NFX1: variants seen among roughly 807,000 people sequenced by gnomAD.
NFX1 encodes nuclear transcription factor, X-box binding 1.
Under a neutral mutation model 137.2 loss-of-function variants are expected in NFX1, and 69 were observed. That is an observed-to-expected ratio of 0.50 (90% CI 0.41 to 0.61). NFX1 has a LOEUF of 0.61. NFX1 is among the 20% of genes least tolerant of loss of function. The pLI, the probability that NFX1 is intolerant of heterozygous loss-of-function variation, is 0.00. For synonymous variants in NFX1, 495 were observed against 474.1 expected (o/e 1.04, Z -0.57); for missense variants, 1,167 against 1,391.0 (o/e 0.84, Z 2.56).
chr9:33,356,151 A>G (rs1025415066), intron 19 of NFX1, among the ~76,000 whole-genome samples: 1 of 152,222 alleles, frequency 6.6e-6, no homozygotes, highest in African/African-American at 2.4e-5. Flanking sequence ...TGAAATTGTC[A>G]CTTTTTAATT....
chr9:33,312,607 A>C (rs975594475), intron 6 of NFX1, among the ~76,000 whole-genome samples: 1 of 152,250 alleles, frequency 6.6e-6, no homozygotes, highest in South Asian at 2.1e-4. Context: ...GCAGTGGCCC[A>C]CGCCTGTAAT....
chr9:33,343,457 A>T (rs1445260645), intron 13 of NFX1, among the ~76,000 whole-genome samples: 1 of 152,232 alleles, frequency 6.6e-6, no homozygotes, highest in Non-Finnish European at 1.5e-5. Flanking sequence ...CTGTCGTGAT[A>T]TAGTTGAGGC....
At chr9:33,330,784 T>A (rs1822777527) in intron 10 of NFX1, among the ~76,000 whole-genome samples, 1 of 152,162 alleles carries the variant, frequency 6.6e-6, no homozygotes, top group African/African-American at 2.4e-5. Context: ...ATGTGTAAGT[T>A]GAATTTTTGC....
Position 33,354,806 on chromosome 9 carries a change from A to G in NFX1, c.2832-45A>G, listed in dbSNP as rs765009422. On this transcript the variant is annotated intron_variant, in intron 18 of 23. Coordinates refer to ENST00000379540, the MANE Select transcript of NFX1 (RefSeq NM_002504.6). ...CCTTTTCTTGCTGGATGGGAGCTGT[A>G]CAGTCTGTATTCTGACTTTAATTTT... 1.1e-5 allele frequency: 18 copies of G among 1,570,938 alleles called. No individual in the cohort carries two copies. In the African/African-American group the frequency reaches 2.3e-4, roughly 20 times the overall value.
intron 4 of NFX1, among the ~76,000 whole-genome samples, chr9:33,306,603 G>A (rs1052997678): frequency 5.3e-5 from 8 of 152,124 alleles, no homozygotes; most frequent in Admixed American, 4.6e-4. Context: ...ATTCCTCAAG[G>A]GCAAGGAGGA....
intron 15 of NFX1, chr9:33,347,676 G>C (rs1186793896): frequency 4.7e-6 from 2 of 425,744 alleles, no homozygotes; most frequent in African/African-American, 4.1e-5. Context: ...TCCCACTACT[G>C]GGCGTCTACC....
In NFX1 at chr9:33,307,192, A is replaced by G; in HGVS notation, c.1271-2A>G. On this transcript the variant is annotated splice_acceptor_variant, in intron 4 of 23. Transcript: ENST00000379540. LOFTEE classifies it high-confidence loss of function. ...TTGACTCTCTGATCTGATATGTTCT[A>G]GGCAAGGTAAAGAATCCTGAGTGGA... 1 of 1,613,392 alleles carries G rather than the reference A, an allele frequency of 6.2e-7. No homozygotes were observed. Among genetic ancestry groups the G allele is most frequent in the Non-Finnish European group, 8.5e-7 (1 of 1,179,320 alleles).
At position 33,355,282 on chromosome 9, in the gene NFX1, AGTTGTGTAATCATTT is replaced by A. The variant is rs1182260365; in HGVS notation, c.2873+393_2873+407del. Among the ~76,000 whole-genome samples, 27 of 152,346 alleles carry A rather than the reference AGTTGTGTAATCATTT, an allele frequency of 1.8e-4. No homozygotes were observed. The East Asian group carries it at 5.2e-3, about 29-fold the overall frequency. On this transcript the variant is annotated intron_variant, in intron 19 of 23. Transcript: ENST00000379540. ...CAGTGAATCGTCACTAAATGATTACAGTTGTGTAATCATTTGTGTCACTAAATGAATACAGTTGAG... is the reference window on the plus strand; with the variant it reads ...CAGTGAATCGTCACTAAATGATTACAGTGTCACTAAATGAATACAGTTGAG...
intron 19 of NFX1, 30 bp downstream of exon 19, chr9:33,354,922 C>G: frequency 1.2e-6 from 2 of 1,612,312 alleles, no homozygotes; most frequent in Non-Finnish European, 8.5e-7. Flanking sequence ...TTTTTAATCT[C>G]CTTGCCCTTG....
chr9:33,366,571 G>T, intron 21 of NFX1, 58 bp from the exon 22 acceptor site: 1 of 1,592,188 alleles, frequency 6.3e-7, no homozygotes. Context: ...AAGATTAGTT[G>T]TAAGCATTTT....
chr9:33,360,436 G>A (rs868076262), intron 19 of NFX1, among the ~76,000 whole-genome samples: 4 of 152,132 alleles, frequency 2.6e-5, no homozygotes, highest in Non-Finnish European at 4.4e-5. Context: ...TTGGCACATA[G>A]TAGGTACTCA....
At chr9:33,345,581 T>C (rs1286771580) in intron 14 of NFX1, among the ~76,000 whole-genome samples, 1 of 152,246 alleles carries the variant, frequency 6.6e-6, no homozygotes, top group Non-Finnish European at 1.5e-5. Context: ...TCTTTTGCCA[T>C]GTGCAAATAT....
intron 2 of NFX1, among the ~76,000 whole-genome samples, chr9:33,300,213 C>T (rs1053612975): frequency 4.0e-5 from 6 of 151,494 alleles, no homozygotes; most frequent in African/African-American, 1.5e-4. Context: ...TACAGCCACA[C>T]TCCACCACGC....
intron 3 of NFX1, among the ~76,000 whole-genome samples, chr9:33,302,501 A>G (rs552509334): frequency 1.3e-5 from 2 of 151,556 alleles, no homozygotes; most frequent in East Asian, 3.9e-4. Flanking sequence ...AGCTGAGACT[A>G]CAGGCACATG....
chr9:33,353,292 AGCTCTGT>A (rs1176336696), intron 17 of NFX1, among the ~76,000 whole-genome samples: 1 of 152,188 alleles, frequency 6.6e-6, no homozygotes, highest in African/African-American at 2.4e-5. Context: ...GCCAGGGCTA[AGCTCTGT>A]GCTCCTCTGG....
At chr9:33,351,484 A>C (rs142185123) in intron 15 of NFX1, 76 bp from the exon 16 acceptor site, 3 of 1,385,956 alleles carry the variant, frequency 2.2e-6, no homozygotes, top group Non-Finnish European at 3.0e-6. Context: ...AAGCTTAGAA[A>C]TGTTTAAAGA....
At chr9:33,317,384 A>T (rs1822200001) in intron 7 of NFX1, among the ~76,000 whole-genome samples, 1 of 147,502 alleles carries the variant, frequency 6.8e-6, no homozygotes, top group South Asian at 2.1e-4. Context: ...ACATGACTGC[A>T]CTCCAGCCTG....
chr9:33,342,809 G>A lies in NFX1; in HGVS notation c.2179G>A (p.Glu727Lys), dbSNP rs1384067072. 2 of 1,613,838 alleles carry A rather than the reference G, an allele frequency of 1.2e-6. No individual in the cohort carries two copies. The highest frequency in any genetic ancestry group is 2.2e-5 in the East Asian group (1 of 44,876). ...ACTCCGTTGTGGCCTTCATAGGTGT[G>A]AAGAACCTTGTCATCGTGGAAACTG... is the stretch of plus-strand genomic sequence containing the variant. ...RKLRCGLHRCEEPCHRGNCQT... is the reference protein window; with the variant it reads ...RKLRCGLHRCKEPCHRGNCQT... The change falls in exon 13 of 24, where the codon GAA becomes AAA. Residue 727 changes from glutamate to lysine, a missense_variant. This residue lies in a region of NFX1 where 488 missense variants were observed against 691.5 expected (regional missense o/e 0.71). Transcript: ENST00000379540.
chr9:33,350,942 T>C (rs1339553622), intron 15 of NFX1, among the ~76,000 whole-genome samples: 2 of 152,132 alleles, frequency 1.3e-5, no homozygotes, highest in African/African-American at 4.8e-5. Flanking sequence ...AGTCAGGAGT[T>C]CAAGACCAGC....
Sources: gnomAD v4.1 joint callset for allele counts (sites outside exome capture counted in the v4.1 genomes callset) on GRCh38, gnomAD v4.1.1 for gene constraint, gnomAD v4.1.1 regional missense constraint, MANE v1.5 for transcripts, NCBI Gene and HGNC (gene_info 2026-07-23, HGNC 2026-07-21) for gene names.